PDE8B: variants seen among roughly 807,000 people sequenced by gnomAD.
PDE8B encodes phosphodiesterase 8B, also known as high affinity cAMP-specific and IBMX-insensitive 3',5'-cyclic phosphodiesterase 8B.
PDE8B carries 26 observed loss-of-function variants against 101.3 expected under a neutral mutation model. The ratio of observed to expected loss-of-function variants is 0.26; its 90% CI spans 0.19 to 0.36. PDE8B has a LOEUF of 0.36. Among genes scored for constraint, PDE8B ranks in the 10% least tolerant of loss-of-function variants. The probability of loss-of-function intolerance (pLI) is 1.00; values close to 1 mark genes in which losing one functional copy is unlikely to be tolerated. For synonymous variants in PDE8B, 424 were observed against 429.3 expected, an observed-to-expected ratio of 0.99 and a Z score of 0.15; for missense variants, 810 against 1,163.1, an observed-to-expected ratio of 0.70 and a Z score of 4.42.
At chr5:77,171,865 G>A in the PDE8B span, among the ~76,000 whole-genome samples, 1 of 152,190 alleles carries the variant, frequency 6.6e-6, no homozygotes, top group Non-Finnish European at 1.5e-5. Flanking sequence ...CTGACTGGAA[G>A]CCAGAGGGCC....
At chr5:77,393,711 CT>C (rs1009091690) in intron 10 of PDE8B, among the ~76,000 whole-genome samples, 2 of 152,090 alleles carry the variant, frequency 1.3e-5, no homozygotes, top group Non-Finnish European at 2.9e-5. Context: ...TTTTAAAAGC[CT>C]TGAGACTAAG....
the PDE8B span, among the ~76,000 whole-genome samples, chr5:77,131,380 TC>T: frequency 2.0e-5 from 3 of 152,340 alleles, no homozygotes; most frequent in South Asian, 6.2e-4. Flanking sequence ...AGGCTTGCCC[TC>T]TTTCCACCCA....
At chr5:77,140,240 TA>T in the PDE8B span, 15 of 152,366 alleles carry the variant, frequency 9.8e-5, no homozygotes, top group East Asian at 1.2e-3. Flanking sequence ...AATTTATTTT[TA>T]TTTTTTTAAA....
intron 10 of PDE8B, among the ~76,000 whole-genome samples, chr5:77,369,203 C>CAA (rs70988667): frequency 0.12 from 9,587 of 78,698 alleles, 1,506 homozygotes; most frequent in African/African-American, 0.35. Flanking sequence ...TCCACTGTCT[C>CAA]AAAAAAAAAA....
chr5:77,109,927 G>GTTTTTTTTTTTTTTTTTTTTTTT, the PDE8B span, among the ~76,000 whole-genome samples: 2 of 67,236 alleles, frequency 3.0e-5, no homozygotes, highest in African/African-American at 1.2e-4. Flanking sequence ...TTGTATTTCA[G>GTTTTTTTTTTTTTTTTTTTTTTT]TTTTTTTTTT....
the PDE8B span, among the ~76,000 whole-genome samples, chr5:77,142,462 G>A: frequency 1.7e-3 from 261 of 152,016 alleles, no homozygotes; most frequent in African/African-American, 6.0e-3. Flanking sequence ...TCCATTTTTT[G>A]CTTAAACAAT....
At chr5:77,269,551 G>A (rs921511662) in intron 1 of PDE8B, among the ~76,000 whole-genome samples, 1 of 152,110 alleles carries the variant, frequency 6.6e-6, no homozygotes, top group Non-Finnish European at 1.5e-5. Context: ...TCTTTGCCCA[G>A]TCCAATGTTC....
At chr5:77,238,140 A>G (rs1191436735) in intron 1 of PDE8B, among the ~76,000 whole-genome samples, 1 of 152,202 alleles carries the variant, frequency 6.6e-6, no homozygotes, top group East Asian at 1.9e-4. Flanking sequence ...CTTTTGCCAC[A>G]GTTGGAAATA....
chr5:77,419,919 T>C lies in PDE8B; in HGVS notation c.2250+32T>C. ...ACTGCTTTCCATGCCATAAGGCACA[T>C]CCAAGTACATTTCCATAAGAGCCTG... On this transcript the variant is annotated intron_variant, in intron 19 of 21. Coordinates refer to ENST00000264917, the MANE Select transcript of PDE8B (RefSeq NM_003719.5). The C allele has an allele frequency of 1.9e-6, 3 of 1,612,472 alleles. No individual in the cohort carries two copies. In the South Asian group the frequency reaches 3.3e-5, roughly 18 times the overall value.
chr5:77,380,275 A>C (rs920174505), intron 10 of PDE8B, among the ~76,000 whole-genome samples: 5 of 152,264 alleles, frequency 3.3e-5, no homozygotes, highest in Admixed American at 1.3e-4. Context: ...GTGTAAGAAT[A>C]TGAACAATCT....
chr5:77,240,675 T>C (rs1174844873), intron 1 of PDE8B, among the ~76,000 whole-genome samples: 2 of 152,244 alleles, frequency 1.3e-5, no homozygotes, highest in Non-Finnish European at 2.9e-5. Flanking sequence ...CCACACTAAT[T>C]ATTCAAACAC....
In PDE8B at chr5:77,287,629, A is replaced by G. The variant is rs778287993; in HGVS notation, c.340-24365A>G. On this transcript the variant is annotated intron_variant, in intron 1 of 21. Coordinates refer to ENST00000264917, the MANE Select transcript of PDE8B (RefSeq NM_003719.5). ...TCTCTGTGTCCTGGATGCCTCTCACATTCTTCTTATATTTGCCATCCTTTT... is the reference window on the plus strand; with the variant it reads ...TCTCTGTGTCCTGGATGCCTCTCACGTTCTTCTTATATTTGCCATCCTTTT... 2.0e-5 allele frequency among the ~76,000 whole-genome samples: 3 copies of G among 151,952 alleles called. No homozygotes were observed. The East Asian group carries it at 5.8e-4, about 29-fold the overall frequency.
the PDE8B span, among the ~76,000 whole-genome samples, chr5:77,122,682 A>T: frequency 1.3e-5 from 2 of 152,224 alleles, no homozygotes; most frequent in Non-Finnish European, 2.9e-5. Flanking sequence ...ATTTTGGAGG[A>T]CAGTGTCATT....
At chr5:77,296,605 G>A (rs1423982999) in intron 1 of PDE8B, among the ~76,000 whole-genome samples, 2 of 152,154 alleles carry the variant, frequency 1.3e-5, no homozygotes, top group African/African-American at 2.4e-5. Flanking sequence ...GAGAAAGGAA[G>A]GAATGGACTG....
chr5:77,157,746 C>T, the PDE8B span, among the ~76,000 whole-genome samples: 1 of 152,310 alleles, frequency 6.6e-6, no homozygotes, highest in East Asian at 1.9e-4. Context: ...CCTCAGTTCC[C>T]CACATGTCTT....
chr5:77,305,733 G>T (rs1257624623), intron 1 of PDE8B, among the ~76,000 whole-genome samples: 1 of 152,170 alleles, frequency 6.6e-6, no homozygotes, highest in Non-Finnish European at 1.5e-5. Context: ...AATGGAGGGT[G>T]GACAGGGCAC....
At chr5:77,103,806 G>A in the PDE8B span, among the ~76,000 whole-genome samples, 5 of 152,218 alleles carry the variant, frequency 3.3e-5, no homozygotes, top group Non-Finnish European at 7.3e-5. Context: ...GCTTGAGACA[G>A]CTTCTTAGCC....
At chr5:77,328,946 A>T in intron 3 of PDE8B, 52 bp from the exon 4 acceptor site, 1 of 1,382,398 alleles carries the variant, frequency 7.2e-7, no homozygotes. Flanking sequence ...ACATTCATTT[A>T]ATGTAACAAA....
At chr5:77,309,775 A>T (rs979114679) in intron 1 of PDE8B, among the ~76,000 whole-genome samples, 4 of 151,396 alleles carry the variant, frequency 2.6e-5, no homozygotes, top group Non-Finnish European at 5.9e-5. Context: ...GCCCAACACC[A>T]TGCCTGGCTA....
Sources: allele counts gnomAD v4.1 joint callset (sites outside exome capture counted in the v4.1 genomes callset), GRCh38; gene constraint gnomAD v4.1.1; transcripts MANE v1.5; gene names NCBI Gene and HGNC (gene_info 2026-07-23, HGNC 2026-07-21).